Variants in LHX8 observed in about 807,000 individuals in gnomAD.
LHX8 encodes LIM homeobox 8.
A neutral mutation model predicts 40.3 loss-of-function variants in LHX8; 12 were observed. That is an observed-to-expected ratio of 0.30 (90% CI 0.19 to 0.48). The LOEUF (loss-of-function observed/expected upper bound fraction) is 0.48, where lower values mean the gene tolerates loss of function less well. LHX8 is among the 20% of genes least tolerant of loss of function. The pLI is 0.99. For synonymous variants in LHX8, 179 were observed against 162.0 expected (o/e 1.10, Z -0.80); for missense variants, 344 against 433.7 (o/e 0.79, Z 1.84).
chr1:75,195,188 T>A, the LHX8 span, among the ~76,000 whole-genome samples: 6 of 152,186 alleles, frequency 3.9e-5, no homozygotes, highest in African/African-American at 1.4e-4. Context: ...TGTCTTACCA[T>A]GTTAAATTTT....
the LHX8 span, among the ~76,000 whole-genome samples, chr1:75,179,578 G>A: frequency 7.5e-6 from 1 of 132,922 alleles, no homozygotes; most frequent in Non-Finnish European, 1.6e-5. Flanking sequence ...GAGCGTATGT[G>A]TGTCTCTGCA....
the LHX8 span, among the ~76,000 whole-genome samples, chr1:75,197,204 C>A: frequency 6.2e-3 from 945 of 152,104 alleles, 12 homozygotes; most frequent in African/African-American, 0.021. Flanking sequence ...TGTTTCATAT[C>A]GGAAATTTTT....
At chr1:75,159,997 GC>G in intron 8 of LHX8, 1 of 152,224 alleles carries the variant, frequency 6.6e-6, no homozygotes, top group South Asian at 2.1e-4. Flanking sequence ...TCTTCAGCGG[GC>G]CCTGCTCTTT....
chr1:75,155,480 C>T (rs886193905), intron 7 of LHX8, among the ~76,000 whole-genome samples: 9 of 152,006 alleles, frequency 5.9e-5, no homozygotes, highest in African/African-American at 9.7e-5. Flanking sequence ...GTGATTCGCC[C>T]GCCTTGGCCT....
At position 75,137,188 on chromosome 1, in the gene LHX8, G is replaced by A; in HGVS notation, c.164G>A (p.Gly55Asp). 6.2e-7 allele frequency: 1 copy of A among 1,613,560 alleles called. No homozygotes were observed. The highest frequency in any genetic ancestry group is 2.2e-5 in the East Asian group (1 of 44,860). ...PSSSPRSMAS[G>D]SGCPPGKCVC... ...TCCTCGCCCCGGTCCATGGCCTCGG[G>A]CTCCGGCTGCCCTCCTGGCAAGTGT... Residue 55 changes from glycine to aspartate, a missense_variant, in exon 3 of 9, where the codon GGC becomes GAC. By Grantham distance (94) the Gly-to-Asp change is moderately conservative (BLOSUM62 -1). Coordinates refer to ENST00000356261, the MANE Select transcript of LHX8 (RefSeq NM_001256114.2).
chr1:75,149,479 G>A (rs916629375), intron 7 of LHX8, among the ~76,000 whole-genome samples: 1 of 152,124 alleles, frequency 6.6e-6, no homozygotes, highest in African/African-American at 2.4e-5. Flanking sequence ...AACGTAGTGT[G>A]GTTTTGTTGT....
At chr1:75,164,869 A>G (rs1648999921), downstream of LHX8, among the ~76,000 whole-genome samples, 1 of 151,798 alleles carries the variant, frequency 6.6e-6, no homozygotes, top group African/African-American at 2.4e-5. Context: ...GTCTTGCTAT[A>G]TAATATGACG....
the LHX8 span, among the ~76,000 whole-genome samples, chr1:75,189,355 G>A: frequency 7.5e-4 from 114 of 152,192 alleles, no homozygotes; most frequent in Non-Finnish European, 1.3e-3. Context: ...TCAAAATTTG[G>A]ATGCAGGTTA....
intron 8 of LHX8, chr1:75,159,207 A>G (rs1275814750): frequency 6.6e-6 from 1 of 152,164 alleles, no homozygotes; most frequent in Non-Finnish European, 1.5e-5. Flanking sequence ...TGTTTTGCAT[A>G]TGGATAGCTA....
the LHX8 span, among the ~76,000 whole-genome samples, chr1:75,184,619 T>C: frequency 6.6e-6 from 1 of 152,144 alleles, no homozygotes. Flanking sequence ...GCTAAGGTAG[T>C]GGTAAGAGGG....
At chr1:75,129,304 G>A (rs941897901) in intron 1 of LHX8, among the ~76,000 whole-genome samples, 1 of 152,194 alleles carries the variant, frequency 6.6e-6, no homozygotes, top group Admixed American at 6.5e-5. Context: ...AGGGAAGGAG[G>A]AAGGGAGAGG....
intron 8 of LHX8, among the ~76,000 whole-genome samples, chr1:75,158,600 T>C (rs916906273): frequency 1.9e-4 from 29 of 152,170 alleles, no homozygotes; most frequent in Admixed American, 1.6e-3. Context: ...TTTTTTGTTA[T>C]GTTGATGAAA....
At chr1:75,140,763 G>A (rs867561123) in intron 3 of LHX8, among the ~76,000 whole-genome samples, 1 of 152,076 alleles carries the variant, frequency 6.6e-6, no homozygotes, top group African/African-American at 2.4e-5. Flanking sequence ...ACAAAATGTG[G>A]CATATATTAG....
the LHX8 span, among the ~76,000 whole-genome samples, chr1:75,175,007 T>TA: frequency 1.3e-5 from 2 of 152,216 alleles, no homozygotes; most frequent in African/African-American, 4.8e-5. Context: ...ATATCATTCT[T>TA]ACGCTTTTGC....
the LHX8 span, among the ~76,000 whole-genome samples, chr1:75,173,244 C>T: frequency 6.6e-6 from 1 of 152,082 alleles, no homozygotes; most frequent in South Asian, 2.1e-4. Flanking sequence ...CTTTAATCCT[C>T]CCTATATCCC....
At chr1:75,161,920 G>T (rs1648930001), downstream of LHX8, among the ~76,000 whole-genome samples, 1 of 152,140 alleles carries the variant, frequency 6.6e-6, no homozygotes, top group Non-Finnish European at 1.5e-5. Context: ...GATTCTGAGA[G>T]CTGAAATCTT....
At position 75,160,988 on chromosome 1, in the gene LHX8, A is replaced by G; in HGVS notation, c.*93A>G. ...GAAAAGATATTACTGTTAATTTTTT[A>G]TTTAACACCTAAAGCATTTCCAACA... On this transcript the variant is annotated 3_prime_UTR_variant, in exon 9 of 9. Coordinates refer to ENST00000356261, the MANE Select transcript of LHX8 (RefSeq NM_001256114.2). 1.1e-6 allele frequency: 1 copy of G among 952,162 alleles called. No individual in the cohort carries two copies. The allele number at this position is 952,162 out of a possible 1,614,324, so 59.0% of individuals were successfully genotyped here. A position where few individuals can be genotyped will look rare whatever the true frequency, so the allele number is the denominator to read the frequency against.
At chr1:75,132,203 G>A (rs1246880121), upstream of LHX8, among the ~76,000 whole-genome samples, 1 of 152,064 alleles carries the variant, frequency 6.6e-6, no homozygotes, top group African/African-American at 2.4e-5. Flanking sequence ...ACCTTCGTAC[G>A]CCCACCCCTG....
At chr1:75,197,644 T>G in the LHX8 span, among the ~76,000 whole-genome samples, 1 of 152,274 alleles carries the variant, frequency 6.6e-6, no homozygotes, top group East Asian at 1.9e-4. Flanking sequence ...TAAACATGGT[T>G]TTTTCTTTGC....
Sources: allele counts gnomAD v4.1 joint callset (sites outside exome capture counted in the v4.1 genomes callset), GRCh38; gene constraint gnomAD v4.1.1; transcripts MANE v1.5; gene names NCBI Gene and HGNC (gene_info 2026-07-23, HGNC 2026-07-21).